Variants in DYRK1A observed in about 807,000 individuals in gnomAD.
DYRK1A encodes the protein dual specificity tyrosine-phosphorylation-regulated kinase 1A.
DYRK1A carries 9 observed loss-of-function variants against 79.7 expected under a neutral mutation model. The observed-to-expected ratio is 0.11, with a 90% CI of 0.07 to 0.20. The LOEUF (loss-of-function observed/expected upper bound fraction) is 0.20, where lower values mean the gene tolerates loss of function less well. Ranked by LOEUF, DYRK1A falls within the 10% of genes least tolerant of loss-of-function variation. DYRK1A has a pLI of 1.00. For synonymous variants in DYRK1A, 349 were observed against 329.7 expected (o/e 1.06, Z -0.63); for missense variants, 622 against 956.0 (o/e 0.65, Z 4.61).
chr21:37,516,772 C>A lies in DYRK1A; in HGVS notation c.*4241C>A, dbSNP rs1243828318. 2.0e-5 allele frequency: 3 copies of A among 152,078 alleles called. No individual in the cohort carries two copies. The highest frequency in any genetic ancestry group is 7.2e-5 in the African/African-American group (3 of 41,420). 9.4% of individuals were successfully genotyped at this position (152,078 alleles called of 1,614,324 possible). ...CTCAGTGGGTGTTCTTGCATCAGAA[C>A]TTTAAAAAAAATAACACTACCTTAA... On this transcript the variant is annotated 3_prime_UTR_variant, in exon 12 of 12. Coordinates refer to ENST00000647188, the MANE Select transcript of DYRK1A (RefSeq NM_001347721.2).
chr21:37,379,284 A>G (rs2049609946), intron 1 of DYRK1A, among the ~76,000 whole-genome samples: 1 of 152,158 alleles, frequency 6.6e-6, no homozygotes, highest in Non-Finnish European at 1.5e-5. Context: ...GCATGAGGGA[A>G]TACGAAGAGG....
At chr21:37,458,664 A>T (rs1013955520) in intron 2 of DYRK1A, among the ~76,000 whole-genome samples, 3 of 152,200 alleles carry the variant, frequency 2.0e-5, no homozygotes, top group Admixed American at 6.5e-5. Context: ...CCTAAGTCCT[A>T]GCCTAATGTC....
chr21:37,471,768 C>G (rs915839299), intron 2 of DYRK1A, among the ~76,000 whole-genome samples: 2 of 152,152 alleles, frequency 1.3e-5, no homozygotes, highest in Non-Finnish European at 2.9e-5. Context: ...TATTTTGCTA[C>G]TGAGCGTTAT....
chr21:37,428,476 G>C (rs2050687828), intron 2 of DYRK1A, among the ~76,000 whole-genome samples: 1 of 152,120 alleles, frequency 6.6e-6, no homozygotes, highest in African/African-American at 2.4e-5. Flanking sequence ...ATCAGGCACA[G>C]TAAGCTTATC....
chr21:37,493,891 G>T, intron 8 of DYRK1A, among the ~76,000 whole-genome samples: 1 of 150,830 alleles, frequency 6.6e-6, no homozygotes, highest in Non-Finnish European at 1.5e-5. Flanking sequence ...GTTAATAGGT[G>T]GTGTCAGAAA....
chr21:37,512,271 C>G lies in DYRK1A; in HGVS notation c.2005C>G (p.Gln669Glu). The G allele has an allele frequency of 6.2e-7, 1 of 1,614,242 alleles. No homozygotes were observed. Among genetic ancestry groups the G allele is most frequent in the Non-Finnish European group, 8.5e-7 (1 of 1,180,044 alleles). ...SSSSTGNQGNQAYQNRPVAAN... is the reference protein window; with the variant it reads ...SSSSTGNQGNEAYQNRPVAAN... ...CTCCTCTACTGGTAACCAAGGCAATCAGGCCTACCAGAATCGCCCAGTGGC... is the reference window on the plus strand; with the variant it reads ...CTCCTCTACTGGTAACCAAGGCAATGAGGCCTACCAGAATCGCCCAGTGGC... Residue 669 changes from glutamine (Q) to glutamate (E), a missense_variant, in exon 12 of 12, where the codon CAG (glutamine) becomes GAG (glutamate). Physicochemically the swap from Gln to Glu is conservative, Grantham distance 29. Coordinates refer to ENST00000647188, the MANE Select transcript of DYRK1A (RefSeq NM_001347721.2).
At chr21:37,366,656 C>T (rs1406964561), upstream of DYRK1A, among the ~76,000 whole-genome samples, 1 of 151,716 alleles carries the variant, frequency 6.6e-6, no homozygotes, top group Non-Finnish European at 1.5e-5. Context: ...AAGGAGGGAA[C>T]GGAATCTGCC....
At chr21:37,456,636 G>A (rs188059969) in intron 2 of DYRK1A, among the ~76,000 whole-genome samples, 1 of 152,242 alleles carries the variant, frequency 6.6e-6, no homozygotes. Context: ...TGTGTCTTGA[G>A]CACTTTCCCA....
chr21:37,501,798 C>T (rs1050570003), intron 9 of DYRK1A: 6 of 152,096 alleles, frequency 3.9e-5, no homozygotes, highest in Non-Finnish European at 5.9e-5. Context: ...TCTTTTATAT[C>T]TTTGTGTGTA....
intron 1 of DYRK1A, among the ~76,000 whole-genome samples, chr21:37,374,171 C>T (rs1263629903): frequency 1.3e-5 from 2 of 151,890 alleles, no homozygotes; most frequent in Non-Finnish European, 2.9e-5. Context: ...GAAATCTGAG[C>T]TTTTGCATTT....
chr21:37,445,371 G>T (rs2148487861), intron 2 of DYRK1A, among the ~76,000 whole-genome samples: 1 of 152,290 alleles, frequency 6.6e-6, no homozygotes, highest in Non-Finnish European at 1.5e-5. Flanking sequence ...AGATGATGAG[G>T]AATGTTTCGG....
chr21:37,498,553 A>G (rs2053344386), intron 9 of DYRK1A, among the ~76,000 whole-genome samples: 1 of 152,156 alleles, frequency 6.6e-6, no homozygotes, highest in South Asian at 2.1e-4. Flanking sequence ...TTGCTTCAAC[A>G]TATTTCATTG....
At chr21:37,499,837 G>A (rs930301464) in intron 9 of DYRK1A, among the ~76,000 whole-genome samples, 7 of 152,118 alleles carry the variant, frequency 4.6e-5, no homozygotes, top group Non-Finnish European at 1.0e-4. Flanking sequence ...AACTGCACAG[G>A]TCCACTTGTA....
chr21:37,379,129 G>C (rs911359883), intron 1 of DYRK1A, among the ~76,000 whole-genome samples: 1 of 152,062 alleles, frequency 6.6e-6, no homozygotes, highest in Admixed American at 6.6e-5. Flanking sequence ...TGAGAGTGGG[G>C]TTGAGTCTTA....
intron 1 of DYRK1A, among the ~76,000 whole-genome samples, chr21:37,395,598 A>T (rs912888134): frequency 1.3e-4 from 20 of 152,146 alleles, no homozygotes; most frequent in Admixed American, 7.9e-4. Context: ...TGGGGATGGG[A>T]TACTCAAAAA....
At chr21:37,433,885 T>C (rs567566990) in intron 2 of DYRK1A, among the ~76,000 whole-genome samples, 27 of 152,344 alleles carry the variant, frequency 1.8e-4, no homozygotes, top group African/African-American at 6.5e-4. Flanking sequence ...TCTAAAAATA[T>C]AGTTTCTTTG....
intron 9 of DYRK1A, chr21:37,502,909 A>T (rs1362932496): frequency 6.6e-6 from 1 of 152,236 alleles, no homozygotes; most frequent in Non-Finnish European, 1.5e-5. Context: ...TTTCAGTGAA[A>T]GAAAAAGATG....
At chr21:37,447,391 A>G (rs543739730) in intron 2 of DYRK1A, among the ~76,000 whole-genome samples, 5 of 152,298 alleles carry the variant, frequency 3.3e-5, no homozygotes, top group African/African-American at 9.6e-5. Context: ...TTAAAAAAAC[A>G]TAATTTCAGA....
chr21:37,462,846 C>G (rs2051888980), intron 2 of DYRK1A, among the ~76,000 whole-genome samples: 1 of 152,202 alleles, frequency 6.6e-6, no homozygotes, highest in South Asian at 2.1e-4. Flanking sequence ...TCAGTCATCA[C>G]GATTCTGCAC....
Sources: gnomAD v4.1 joint callset for allele counts (sites outside exome capture counted in the v4.1 genomes callset) on GRCh38, gnomAD v4.1.1 for gene constraint, MANE v1.5 for transcripts, NCBI Gene and HGNC (gene_info 2026-07-23, HGNC 2026-07-21) for gene names.